SDK2: variants seen among roughly 807,000 people sequenced by gnomAD.
The protein encoded by SDK2 is sidekick cell adhesion molecule 2.
Under a neutral mutation model 253.9 loss-of-function variants are expected in SDK2, and 105 were observed. The ratio of observed to expected loss-of-function variants is 0.41; its 90% CI spans 0.35 to 0.49. SDK2 has a LOEUF of 0.49. SDK2 is among the 20% of genes least tolerant of loss of function. The pLI is 0.06. For missense variants in SDK2, 2,608 were observed against 3,003.0 expected (o/e 0.87, Z 3.07); for synonymous variants, 1,249 against 1,234.9 (o/e 1.01, Z -0.24).
Position 73,361,237 on chromosome 17 carries a change from A to C in SDK2, c.5467+447T>G, listed in dbSNP as rs1171203880. ...CATCCACCCTGGGAACGTGCATTTT[A>C]GTGCGCCCTGCTCTGAGAACCGCTG... On this transcript the variant is annotated intron_variant, in intron 39 of 44. Transcript: ENST00000392650. The surrounding 1 kb of genome is among the most constrained non-coding windows in gnomAD (Gnocchi z 4.1). Among the ~76,000 whole-genome samples, 1 of 152,108 alleles carries C rather than the reference A, an allele frequency of 6.6e-6. No homozygotes were observed. Among genetic ancestry groups the C allele is most frequent in the Non-Finnish European group, 1.5e-5 (1 of 68,012 alleles).
chr17:73,558,142 G>A (rs1567841904), intron 1 of SDK2, among the ~76,000 whole-genome samples: 2 of 152,246 alleles, frequency 1.3e-5, no homozygotes, highest in African/African-American at 4.8e-5. Context: ...GCTGAGGCAG[G>A]AGGGGTGCAG....
rs144573296 is a variant in SDK2 at position 73,450,212 on chromosome 17, A to G, written c.480-2464T>C. ...AGCTCTGGAATGGAGCTCTGGCCCT[A>G]GCCTCTAAAGGGCATGCAGCTTCCT... On this transcript the variant is annotated intron_variant, in intron 4 of 44. Transcript: ENST00000392650. Among the ~76,000 whole-genome samples the G allele has an allele frequency of 8.9e-3, 1,349 of 152,312 alleles. 21 individuals carry two copies. The highest frequency in any genetic ancestry group is 0.03 in the African/African-American group (1,252 of 41,566).
At chr17:73,450,817 C>T (rs1377104576) in intron 4 of SDK2, among the ~76,000 whole-genome samples, 3 of 152,186 alleles carry the variant, frequency 2.0e-5, no homozygotes, top group Non-Finnish European at 4.4e-5. Flanking sequence ...TGTTGTTAAG[C>T]ACGCATCCCG....
chr17:73,591,260 C>G (rs1265847512), intron 1 of SDK2, among the ~76,000 whole-genome samples: 3 of 152,204 alleles, frequency 2.0e-5, no homozygotes, highest in Admixed American at 2.0e-4. Context: ...GTCCAGACAG[C>G]TGCCACTGGA....
chr17:73,564,280 T>C (rs979798533), intron 1 of SDK2, among the ~76,000 whole-genome samples: 9 of 152,194 alleles, frequency 5.9e-5, no homozygotes, highest in Admixed American at 5.9e-4. Context: ...GTGACTACCA[T>C]GTTGGGCAGC....
chr17:73,384,719 G>T (rs541971576), intron 32 of SDK2, among the ~76,000 whole-genome samples: 1 of 152,316 alleles, frequency 6.6e-6, no homozygotes, highest in African/African-American at 2.4e-5. Context: ...GGAAGGCTGA[G>T]GAAAGAGAAT....
intron 1 of SDK2, among the ~76,000 whole-genome samples, chr17:73,524,511 CT>C (rs2064109895): frequency 6.6e-6 from 1 of 152,142 alleles, no homozygotes; most frequent in Non-Finnish European, 1.5e-5. Context: ...CCCCTTTTTC[CT>C]GCCAGGACAC....
At chr17:73,375,000 C>G (rs73999007) in intron 36 of SDK2, among the ~76,000 whole-genome samples, 1 of 152,210 alleles carries the variant, frequency 6.6e-6, no homozygotes, top group African/African-American at 2.4e-5. Context: ...GAGTGACAGC[C>G]AAAGCCCCGA....
chr17:73,451,698 C>A (rs543754102), intron 4 of SDK2, among the ~76,000 whole-genome samples: 29 of 152,212 alleles, frequency 1.9e-4, no homozygotes, highest in African/African-American at 6.3e-4. Flanking sequence ...TTTTGACTTG[C>A]CCTCTCTGCG....
rs567648913 is a variant in SDK2 at position 73,575,550 on chromosome 17, G to A, written c.65-67953C>T. 5.2e-4 allele frequency among the ~76,000 whole-genome samples: 79 copies of A among 152,296 alleles called. 1 individual carries two copies. Among genetic ancestry groups the A allele is most frequent in the African/African-American group, 1.8e-3 (76 of 41,564 alleles). On this transcript the variant is annotated intron_variant, in intron 1 of 44. Transcript: ENST00000392650. ...TAGCCATGACCTGGGGGCAAAACAC[G>A]TAATCTCTCCGTGCCAGTCTGTACT...
chr17:73,444,225 A>G (rs1179494810), intron 5 of SDK2, among the ~76,000 whole-genome samples: 1 of 152,166 alleles, frequency 6.6e-6, no homozygotes, highest in Non-Finnish European at 1.5e-5. Flanking sequence ...GACGCACATT[A>G]AGCCCTGCAG....
intron 44 of SDK2, among the ~76,000 whole-genome samples, chr17:73,341,976 G>T (rs2062440902): frequency 6.6e-6 from 1 of 152,010 alleles, no homozygotes; most frequent in Admixed American, 6.5e-5. Context: ...AAGTGATCCG[G>T]CCGGGCTTGA....
At chr17:73,405,499 T>G (rs1170504211) in intron 18 of SDK2, among the ~76,000 whole-genome samples, 1 of 92,474 alleles carries the variant, frequency 1.1e-5, no homozygotes, top group Non-Finnish European at 2.2e-5. Flanking sequence ...TATATATATA[T>G]ATATATATAT....
Position 73,384,104 on chromosome 17 carries a change from A to C in SDK2, c.4570-93T>G, listed in dbSNP as rs769019025. 1.8e-4 allele frequency: 248 copies of C among 1,388,280 alleles called. 1 individual carries two copies. The highest frequency in any genetic ancestry group is 2.2e-4 in the Non-Finnish European group (223 of 1,009,896). 86.0% of individuals were successfully genotyped at this position (1,388,280 alleles called of 1,614,324 possible). A position where few individuals can be genotyped will look rare whatever the true frequency, so the allele number is the denominator to read the frequency against. On this transcript the variant is annotated intron_variant, in intron 32 of 44. Transcript: ENST00000392650. ...ATCATGCCTCCTGCAGCCACAGAGCAGGGACTATGTTTTAACCAGGAAAAG... is the reference window on the plus strand; with the variant it reads ...ATCATGCCTCCTGCAGCCACAGAGCCGGGACTATGTTTTAACCAGGAAAAG...
In SDK2 at chr17:73,643,961, G is replaced by GCCCCCCCCCCCCCC; in HGVS notation, c.64+63_64+64insGGGGGGGGGGGGGG. On this transcript the variant is annotated intron_variant, in intron 1 of 44. Transcript: ENST00000392650. The surrounding 1 kb of genome is among the most constrained non-coding windows in gnomAD (Gnocchi z 6.9). Reference sequence around the variant, plus strand: ...GTCACCGTGAGGCCGGCCAGCTCCCGCCGCCCCTCCCCCGCCCACTCTCCC... The same window carrying GCCCCCCCCCCCCCC: ...GTCACCGTGAGGCCGGCCAGCTCCCGCCCCCCCCCCCCCCCCGCCCCTCCCCCGCCCACTCTCCC... 9.7e-6 allele frequency: 5 copies of GCCCCCCCCCCCCCC among 514,806 alleles called. No individual in the cohort carries two copies. Among genetic ancestry groups the GCCCCCCCCCCCCCC allele is most frequent in the Admixed American group, 2.5e-5 (1 of 40,750 alleles). The allele number at this position is 514,806 out of a possible 1,614,324, so 31.9% of individuals were successfully genotyped here.
At position 73,463,851 on chromosome 17, in the gene SDK2, T is replaced by G. The variant is rs549706946; in HGVS notation, c.332-7798A>C. Reference sequence around the variant, plus strand: ...TGCCAAGAGCAGCCTCACACATGGCTAAGAGAATCTCTAAGGTATGTGCCT... The same window carrying G: ...TGCCAAGAGCAGCCTCACACATGGCGAAGAGAATCTCTAAGGTATGTGCCT... On this transcript the variant is annotated intron_variant, in intron 3 of 44. Transcript: ENST00000392650. Among the ~76,000 whole-genome samples, 4 of 152,310 alleles carry G rather than the reference T, an allele frequency of 2.6e-5. No homozygotes were observed. In the East Asian group the frequency reaches 7.7e-4, roughly 29 times the overall value.
chr17:73,348,585 C>T lies in SDK2; in HGVS notation c.6165+14G>A, dbSNP rs770580935. On this transcript the variant is annotated intron_variant, in intron 44 of 44. Transcript: ENST00000392650. ...CCCTGCCCCCTGCAGGACACCTGGC[C>T]CTCCTGCCCTCACCTGAGAGTCGGA... The T allele has an allele frequency of 4.3e-6, 7 of 1,610,892 alleles. No individual in the cohort carries two copies. The highest frequency in any genetic ancestry group is 1.3e-5 in the African/African-American group (1 of 74,934).
chr17:73,540,605 C>T (rs1291700507), intron 1 of SDK2, among the ~76,000 whole-genome samples: 1 of 152,100 alleles, frequency 6.6e-6, no homozygotes, highest in Non-Finnish European at 1.5e-5. Flanking sequence ...ATTTATTGCT[C>T]CCACTTAAGC....
At chr17:73,382,761 G>A (rs1481031369) in intron 33 of SDK2, among the ~76,000 whole-genome samples, 1 of 152,212 alleles carries the variant, frequency 6.6e-6, no homozygotes, top group Non-Finnish European at 1.5e-5. Context: ...CAGCACTCTG[G>A]GAGGCCAAAG....
Sources: allele counts gnomAD v4.1 joint callset (sites outside exome capture counted in the v4.1 genomes callset), GRCh38; gene constraint gnomAD v4.1.1; non-coding constraint Gnocchi (gnomAD v3.1); transcripts MANE v1.5; gene names NCBI Gene and HGNC (gene_info 2026-07-23, HGNC 2026-07-21).